The following NRXN3 variants were observed in gnomAD, a reference collection of about 807,000 sequenced individuals.
The protein encoded by NRXN3 is neurexin 3, also known as neurexin III.
A neutral mutation model predicts 137.6 loss-of-function variants in NRXN3; 32 were observed. The ratio of observed to expected loss-of-function variants is 0.23; its 90% CI spans 0.18 to 0.31. The LOEUF (loss-of-function observed/expected upper bound fraction) is 0.31. Among genes scored for constraint, NRXN3 ranks in the 10% least tolerant of loss-of-function variants. The pLI, the probability that NRXN3 is intolerant of heterozygous loss-of-function variation, is 1.00. For synonymous variants in NRXN3, 798 were observed against 784.5 expected, an observed-to-expected ratio of 1.02 and a Z score of -0.29; for missense variants, 1,574 against 2,062.5, an observed-to-expected ratio of 0.76 and a Z score of 4.59.
chr14:78,196,457 A>G (rs1453185186), intron 1 of NRXN3, among the ~76,000 whole-genome samples: 1 of 152,236 alleles, frequency 6.6e-6, no homozygotes, highest in Admixed American at 6.5e-5. Context: ...ACTTGACCCC[A>G]CTGCCCTTCT....
intron 15 of NRXN3, among the ~76,000 whole-genome samples, chr14:79,029,458 A>G (rs1178574047): frequency 6.6e-6 from 1 of 152,156 alleles, no homozygotes; most frequent in Non-Finnish European, 1.5e-5. Flanking sequence ...ACCCTTTCTA[A>G]GACTTTGACA....
intron 15 of NRXN3, among the ~76,000 whole-genome samples, chr14:79,341,706 T>C (rs977877501): frequency 6.6e-6 from 1 of 152,156 alleles, no homozygotes; most frequent in Admixed American, 6.5e-5. Flanking sequence ...ATTCTAATAG[T>C]TGTAGGTTTA....
intron 15 of NRXN3, among the ~76,000 whole-genome samples, chr14:79,251,712 G>A (rs557670956): frequency 5.3e-5 from 8 of 152,094 alleles, no homozygotes; most frequent in African/African-American, 7.2e-5. Context: ...TTTAAGTGAC[G>A]GGTGATAGGA....
Position 79,762,815 on chromosome 14 carries a change from A to G in NRXN3, c.4015-42297A>G, listed in dbSNP as rs182794822. Among the ~76,000 whole-genome samples the G allele has an allele frequency of 3.8e-3, 575 of 151,840 alleles. 22 individuals carry two copies. The highest frequency in any genetic ancestry group is 0.014 in the Middle Eastern group (4 of 294). ...CTTAAGAGAGAGGCAAAGTGATAGT[A>G]TCATACAAACATTTTCATGGAGAGT... is the stretch of plus-strand genomic sequence containing the variant. On this transcript the variant is annotated intron_variant, in intron 19 of 20. Coordinates refer to ENST00000335750, the MANE Select transcript of NRXN3 (RefSeq NM_001330195.2).
At chr14:79,372,829 T>C (rs1157011940) in intron 15 of NRXN3, among the ~76,000 whole-genome samples, 1 of 152,164 alleles carries the variant, frequency 6.6e-6, no homozygotes, top group African/African-American at 2.4e-5. Context: ...TTTCAAAGCA[T>C]ACACTGCTTT....
At chr14:78,297,766 CTTCT>C in intron 3 of NRXN3, 61 bp from the exon 4 acceptor site, 1 of 1,229,688 alleles carries the variant, frequency 8.1e-7, no homozygotes, top group Non-Finnish European at 1.2e-6. Flanking sequence ...TTAACTTTGT[CTTCT>C]TTCTTTTTTT....
chr14:78,848,517 T>G (rs2099033928), intron 10 of NRXN3, among the ~76,000 whole-genome samples: 1 of 152,172 alleles, frequency 6.6e-6, no homozygotes, highest in South Asian at 2.1e-4. Context: ...ACATGTCAAA[T>G]TAGTTGGAGA....
chr14:78,439,413 C>T (rs1449036511), intron 4 of NRXN3, among the ~76,000 whole-genome samples: 1 of 152,202 alleles, frequency 6.6e-6, no homozygotes, highest in Non-Finnish European at 1.5e-5. Context: ...GCATCTGCAC[C>T]TGTGTGCCAG....
At position 78,243,834 on chromosome 14, in the gene NRXN3, C is replaced by G; in HGVS notation, c.709+32C>G. 1 of 1,497,576 alleles carries G rather than the reference C, an allele frequency of 6.7e-7. No individual in the cohort carries two copies. The highest frequency in any genetic ancestry group is 8.9e-7 in the Non-Finnish European group (1 of 1,118,216). The allele number at this position is 1,497,576 out of a possible 1,614,324, so 92.8% of individuals were successfully genotyped here. On this transcript the variant is annotated intron_variant, in intron 2 of 20. Transcript: ENST00000335750. The surrounding 1 kb of genome is among the most constrained non-coding windows in gnomAD (Gnocchi z 4.2). ...CCCTCTCCCTCTCTTGCTAGAGACCCACCCACGGGATGGCTGAGGCTGGGG... is the reference window on the plus strand; with the variant it reads ...CCCTCTCCCTCTCTTGCTAGAGACCGACCCACGGGATGGCTGAGGCTGGGG...
intron 15 of NRXN3, among the ~76,000 whole-genome samples, chr14:79,084,286 A>G (rs2047645500): frequency 6.6e-6 from 1 of 152,142 alleles, no homozygotes; most frequent in Non-Finnish European, 1.5e-5. Context: ...ATAAATCTAT[A>G]CATGTGTTAA....
chr14:79,855,092 A>G (rs2099399777), intron 20 of NRXN3, among the ~76,000 whole-genome samples: 1 of 152,108 alleles, frequency 6.6e-6, no homozygotes, highest in South Asian at 2.1e-4. Context: ...GTAAGCTTTC[A>G]GGGATCTTAA....
chr14:78,709,816 C>T, intron 7 of NRXN3, 161 bp downstream of exon 7: 1 of 642,082 alleles, frequency 1.6e-6, no homozygotes, highest in African/African-American at 1.8e-5. Context: ...GAAAAGATAC[C>T]TGTCTCATAG....
intron 15 of NRXN3, among the ~76,000 whole-genome samples, chr14:79,290,863 G>A (rs766818577): frequency 6.6e-6 from 1 of 152,098 alleles, no homozygotes; most frequent in Non-Finnish European, 1.5e-5. Flanking sequence ...TTTAATAAAA[G>A]CTGAAAGTCT....
intron 16 of NRXN3, among the ~76,000 whole-genome samples, chr14:79,499,423 T>A (rs558290568): frequency 6.6e-6 from 1 of 152,196 alleles, no homozygotes; most frequent in Non-Finnish European, 1.5e-5. Context: ...ATCTTTTTGA[T>A]CATCATAACT....
At chr14:78,886,567 T>C (rs892163737) in intron 10 of NRXN3, among the ~76,000 whole-genome samples, 4 of 152,096 alleles carry the variant, frequency 2.6e-5, no homozygotes, top group African/African-American at 9.7e-5. Flanking sequence ...TGATAAGTGA[T>C]TGAAGAATCA....
chr14:78,284,191 G>C (rs1198557540), intron 3 of NRXN3, among the ~76,000 whole-genome samples: 1 of 152,142 alleles, frequency 6.6e-6, no homozygotes, highest in Non-Finnish European at 1.5e-5. Context: ...CCTATTCAAA[G>C]CCACCCCTCT....
intron 17 of NRXN3, among the ~76,000 whole-genome samples, chr14:79,673,993 C>CCTAT (rs761877175): frequency 1.5e-4 from 23 of 152,056 alleles, no homozygotes; most frequent in East Asian, 1.2e-3. Context: ...CGTACGCTGC[C>CCTAT]CTATCTTGAA....
intron 19 of NRXN3, among the ~76,000 whole-genome samples, chr14:79,722,324 C>A (rs1463885774): frequency 6.6e-6 from 1 of 151,946 alleles, no homozygotes; most frequent in African/African-American, 2.4e-5. Context: ...GTAAGCAAGC[C>A]CTAGCTTAAA....
intron 1 of NRXN3, among the ~76,000 whole-genome samples, chr14:78,241,038 C>T (rs922944089): frequency 2.6e-5 from 4 of 152,176 alleles, no homozygotes; most frequent in African/African-American, 4.8e-5. Context: ...CCTCAGAAAC[C>T]AGACTGCGTG....
Sources: allele counts gnomAD v4.1 joint callset (sites outside exome capture counted in the v4.1 genomes callset), GRCh38; gene constraint gnomAD v4.1.1; non-coding constraint Gnocchi (gnomAD v3.1); transcripts MANE v1.5; gene names NCBI Gene and HGNC (gene_info 2026-07-23, HGNC 2026-07-21).